Variants in MYO16 observed in about 807,000 individuals in gnomAD.
MYO16 encodes unconventional myosin-XVI.
In MYO16, 94 loss-of-function variants were observed where a neutral mutation model predicts 205.3. The ratio of observed to expected loss-of-function variants is 0.46; its 90% confidence interval spans 0.39 to 0.54. The LOEUF is 0.54. MYO16 is among the 20% of genes least tolerant of loss of function. MYO16 has a pLI of 0.00. For synonymous variants in MYO16, 988 were observed against 954.0 expected, an observed-to-expected ratio of 1.04 and a Z score of -0.66; for missense variants, 2,315 against 2,387.5, an observed-to-expected ratio of 0.97 and a Z score of 0.63.
chr13:108,556,861 A>G, the MYO16 span, among the ~76,000 whole-genome samples: 1 of 152,102 alleles, frequency 6.6e-6, no homozygotes, highest in Non-Finnish European at 1.5e-5. Flanking sequence ...ATGGATATTC[A>G]GTTGTCCCAA....
At chr13:109,023,659 G>GCAAATATATGTATATATACA (rs1401353550) in intron 23 of MYO16, among the ~76,000 whole-genome samples, 2 of 76,896 alleles carry the variant, frequency 2.6e-5, no homozygotes, top group Non-Finnish European at 5.1e-5. Context: ...ATGTATATAT[G>GCAAATATATGTATATATACA]TATATATGCA....
chr13:108,673,452 C>A (rs958616534), intron 2 of MYO16, among the ~76,000 whole-genome samples: 1 of 151,442 alleles, frequency 6.6e-6, no homozygotes, highest in Non-Finnish European at 1.5e-5. Flanking sequence ...TCCAGTCACA[C>A]AAAGAACTTG....
At chr13:108,778,769 C>T (rs1886207382) in intron 4 of MYO16, among the ~76,000 whole-genome samples, 1 of 152,144 alleles carries the variant, frequency 6.6e-6, no homozygotes, top group South Asian at 2.1e-4. Flanking sequence ...CTTCAGCAAC[C>T]TACACAATTA....
intron 23 of MYO16, among the ~76,000 whole-genome samples, chr13:109,041,242 T>G (rs1312920726): frequency 6.6e-6 from 1 of 152,194 alleles, no homozygotes; most frequent in East Asian, 1.9e-4. Context: ...TGTTTATAGA[T>G]TTGAAGACAA....
chr13:108,796,766 G>A (rs1164077025), intron 6 of MYO16, among the ~76,000 whole-genome samples: 1 of 103,418 alleles, frequency 9.7e-6, no homozygotes, highest in Non-Finnish European at 2.0e-5. Flanking sequence ...GGGGCCTGTT[G>A]TGGGGTGGGG....
chr13:108,565,837 C>T, the MYO16 span, among the ~76,000 whole-genome samples: 7 of 152,128 alleles, frequency 4.6e-5, 1 homozygote, highest in Admixed American at 6.5e-5. Flanking sequence ...GCTTTTATTA[C>T]GTTGAGGTTA....
intron 2 of MYO16, among the ~76,000 whole-genome samples, chr13:108,686,482 A>G (rs974575438): frequency 6.6e-6 from 1 of 152,244 alleles, no homozygotes; most frequent in Non-Finnish European, 1.5e-5. Context: ...TGCAATCGGC[A>G]CATCCAGCGA....
intron 21 of MYO16, among the ~76,000 whole-genome samples, chr13:108,994,479 G>A (rs1884939524): frequency 6.6e-6 from 1 of 152,090 alleles, no homozygotes; most frequent in African/African-American, 2.4e-5. Flanking sequence ...TTTGACGAGT[G>A]CAAATTTGCA....
At chr13:108,964,732 C>T in intron 19 of MYO16, 29 bp from the exon 20 acceptor site, 1 of 1,610,634 alleles carries the variant, frequency 6.2e-7, no homozygotes, top group Non-Finnish European at 8.5e-7. Flanking sequence ...CCCTTGTGCT[C>T]ACTCCTCCTT....
chr13:108,938,606 G>C (rs1882590909), intron 16 of MYO16, among the ~76,000 whole-genome samples: 2 of 152,268 alleles, frequency 1.3e-5, no homozygotes, highest in African/African-American at 4.8e-5. Context: ...GGGTGCTCCA[G>C]ATGCCTGGAG....
At chr13:108,989,654 A>G (rs1884755569) in intron 20 of MYO16, among the ~76,000 whole-genome samples, 1 of 152,168 alleles carries the variant, frequency 6.6e-6, no homozygotes, top group South Asian at 2.1e-4. Context: ...CATTTCTCAT[A>G]GTCTTCTTGG....
At chr13:108,821,643 T>C (rs1050569770) in intron 8 of MYO16, among the ~76,000 whole-genome samples, 1 of 152,168 alleles carries the variant, frequency 6.6e-6, no homozygotes, top group Non-Finnish European at 1.5e-5. Flanking sequence ...TGACTGACCT[T>C]TGACTACATG....
intron 20 of MYO16, among the ~76,000 whole-genome samples, chr13:108,980,909 A>G (rs1253172757): frequency 1.3e-5 from 2 of 152,196 alleles, no homozygotes; most frequent in African/African-American, 4.8e-5. Context: ...TTTTACAGAT[A>G]AAGAAAATGG....
At position 108,767,318 on chromosome 13, in the gene MYO16, G is replaced by A. The variant is rs138795463; in HGVS notation, c.508-18317G>A. On this transcript the variant is annotated intron_variant, in intron 4 of 34. Coordinates refer to ENST00000457511, the MANE Select transcript of MYO16 (RefSeq NM_001198950.3). Reference sequence around the variant, plus strand: ...AAGGTTTCACCATGTTAGCCAGGACGGTCTCGATCTCCTGACCTCGTGATC... The same window carrying A: ...AAGGTTTCACCATGTTAGCCAGGACAGTCTCGATCTCCTGACCTCGTGATC... Among the ~76,000 whole-genome samples, 1,223 of 152,192 alleles carry A rather than the reference G, an allele frequency of 8.0e-3. 12 individuals are homozygous for A. Among genetic ancestry groups the A allele is most frequent in the Non-Finnish European group, 0.011 (772 of 67,990 alleles).
intron 2 of MYO16, among the ~76,000 whole-genome samples, chr13:108,702,758 G>T (rs1165951264): frequency 6.6e-6 from 1 of 152,050 alleles, no homozygotes; most frequent in Non-Finnish European, 1.5e-5. Context: ...GATGTAATTT[G>T]TTTAAACATA....
intron 20 of MYO16, among the ~76,000 whole-genome samples, chr13:108,965,567 C>T (rs377144298): frequency 3.4e-4 from 52 of 152,146 alleles, no homozygotes; most frequent in African/African-American, 9.6e-4. Context: ...CCACCACACC[C>T]GGCTAATTTT....
intron 3 of MYO16, among the ~76,000 whole-genome samples, chr13:108,720,928 CATG>C (rs1884139415): frequency 6.6e-6 from 1 of 151,882 alleles, no homozygotes; most frequent in Non-Finnish European, 1.5e-5. Context: ...CAGGGTCATT[CATG>C]ATATGTTCAT....
At chr13:108,970,326 C>T (rs1883961689) in intron 20 of MYO16, among the ~76,000 whole-genome samples, 1 of 152,192 alleles carries the variant, frequency 6.6e-6, no homozygotes, top group Non-Finnish European at 1.5e-5. Context: ...TTTCTAATGT[C>T]CCACCTCCTT....
intron 4 of MYO16, among the ~76,000 whole-genome samples, chr13:108,732,259 T>C (rs1465280294): frequency 2.0e-5 from 3 of 152,168 alleles, no homozygotes; most frequent in Non-Finnish European, 1.5e-5. Context: ...CTGTGTGTAC[T>C]CAAGGGAGTC....
Sources: allele counts gnomAD v4.1 joint callset (sites outside exome capture counted in the v4.1 genomes callset), GRCh38; gene constraint gnomAD v4.1.1; transcripts MANE v1.5; gene names NCBI Gene and HGNC (gene_info 2026-07-23, HGNC 2026-07-21).